MYRIP: variants seen among roughly 807,000 people sequenced by gnomAD.
MYRIP encodes the protein myosin VIIA and Rab interacting protein.
In MYRIP, 49 loss-of-function variants were observed where a neutral mutation model predicts 98.0. The observed-to-expected ratio is 0.50, with a 90% CI of 0.40 to 0.63. MYRIP has a LOEUF of 0.63. Ranked by LOEUF, MYRIP falls within the 30% of genes least tolerant of loss-of-function variation. The pLI, the probability that MYRIP is intolerant of heterozygous loss-of-function variation, is 0.00. For synonymous variants in MYRIP, 404 were observed against 409.5 expected, an observed-to-expected ratio of 0.99 and a Z score of 0.16; for missense variants, 1,004 against 1,058.2, an observed-to-expected ratio of 0.95 and a Z score of 0.71.
intron 8 of MYRIP, among the ~76,000 whole-genome samples, chr3:40,175,202 G>A (rs755058782): frequency 1.8e-4 from 28 of 152,186 alleles, no homozygotes; most frequent in East Asian, 1.9e-4. Context: ...CAAATGTGGT[G>A]ATAAGAATGC....
At chr3:40,062,574 T>G (rs1948040542) in intron 3 of MYRIP, among the ~76,000 whole-genome samples, 1 of 152,232 alleles carries the variant, frequency 6.6e-6, no homozygotes, top group South Asian at 2.1e-4. Context: ...ACAAAATCCA[T>G]GGGCACCCAA....
chr3:39,976,816 T>A (rs1422904232), intron 2 of MYRIP, among the ~76,000 whole-genome samples: 1 of 152,158 alleles, frequency 6.6e-6, no homozygotes, highest in Non-Finnish European at 1.5e-5. Context: ...AAACACCGCA[T>A]GTTCTCACTC....
intron 2 of MYRIP, among the ~76,000 whole-genome samples, chr3:39,938,310 C>A (rs1215063407): frequency 6.6e-6 from 1 of 152,100 alleles, no homozygotes; most frequent in Non-Finnish European, 1.5e-5. Flanking sequence ...AAAGAGTCAC[C>A]TGCATGTTGC....
At chr3:40,098,740 T>TTTTG (rs1553613659) in intron 3 of MYRIP, among the ~76,000 whole-genome samples, 4 of 135,188 alleles carry the variant, frequency 3.0e-5, no homozygotes, top group Non-Finnish European at 6.2e-5. Context: ...GTCTCTCTCA[T>TTTTG]TGTGTGTGTG....
At chr3:39,946,534 C>T (rs1944907042) in intron 2 of MYRIP, among the ~76,000 whole-genome samples, 1 of 152,138 alleles carries the variant, frequency 6.6e-6, no homozygotes, top group Non-Finnish European at 1.5e-5. Flanking sequence ...AGGTTATTAA[C>T]TGGGGGTTCT....
chr3:40,136,688 C>A (rs959280890), intron 3 of MYRIP, among the ~76,000 whole-genome samples: 1 of 151,870 alleles, frequency 6.6e-6, no homozygotes, highest in South Asian at 2.1e-4. Flanking sequence ...AACTGTCTCT[C>A]AGACCACAGT....
chr3:40,024,637 T>C (rs148197816), intron 2 of MYRIP, among the ~76,000 whole-genome samples: 2 of 152,080 alleles, frequency 1.3e-5, no homozygotes, highest in Non-Finnish European at 2.9e-5. Context: ...TATGCTGTGG[T>C]ATAATACGAG....
intron 2 of MYRIP, among the ~76,000 whole-genome samples, chr3:39,942,597 A>C (rs1328398144): frequency 1.3e-5 from 2 of 152,140 alleles, no homozygotes; most frequent in Non-Finnish European, 2.9e-5. Context: ...ATGTGTAATG[A>C]TCAAATCAGG....
At chr3:39,892,283 G>A (rs1401062254) in intron 1 of MYRIP, among the ~76,000 whole-genome samples, 1 of 152,034 alleles carries the variant, frequency 6.6e-6, no homozygotes, top group African/African-American at 2.4e-5. Flanking sequence ...GAGATGAGTA[G>A]GGATGGCATA....
chr3:40,254,479 TG>T (rs369352734), intron 16 of MYRIP, among the ~76,000 whole-genome samples: 75 of 5,772 alleles, frequency 0.013, no homozygotes, highest in East Asian at 0.12. Context: ...CATTTGTGTC[TG>T]GGGGGGGTGG....
rs777112818 is a variant in MYRIP at position 40,080,019 on chromosome 3, G to C, written c.332+35748G>C. ...CTGGCTAAAATCTCCAGTGAAAGCT[G>C]AATAACATGTTAGTCATCACTAACA... On this transcript the variant is annotated intron_variant, in intron 3 of 16. Transcript: ENST00000302541. 3.7e-4 allele frequency among the ~76,000 whole-genome samples: 56 copies of C among 152,238 alleles called. 1 individual carries two copies. The highest frequency in any genetic ancestry group is 1.6e-4 in the Non-Finnish European group (11 of 68,008).
intron 11 of MYRIP, among the ~76,000 whole-genome samples, chr3:40,231,769 T>A (rs961951410): frequency 2.0e-5 from 3 of 151,824 alleles, no homozygotes; most frequent in Non-Finnish European, 4.4e-5. Context: ...ATGGTCTAAC[T>A]TTTTTTTCTG....
intron 3 of MYRIP, among the ~76,000 whole-genome samples, chr3:40,053,915 G>T (rs1268579800): frequency 6.6e-6 from 1 of 152,196 alleles, no homozygotes; most frequent in South Asian, 2.1e-4. Context: ...CTGTAGTAGT[G>T]AGAACAGACC....
At chr3:39,823,136 C>CG (rs1257979427) in intron 1 of MYRIP, among the ~76,000 whole-genome samples, 4 of 151,124 alleles carry the variant, frequency 2.6e-5, no homozygotes, top group Admixed American at 2.6e-4. Flanking sequence ...TCTCCTGCCT[C>CG]AGCCTCCCCA....
At chr3:39,878,585 T>C (rs569604458) in intron 1 of MYRIP, among the ~76,000 whole-genome samples, 73 of 152,286 alleles carry the variant, frequency 4.8e-4, no homozygotes, top group Admixed American at 4.6e-3. Flanking sequence ...GAGGTGTATA[T>C]ATATATACAT....
intron 11 of MYRIP, among the ~76,000 whole-genome samples, chr3:40,231,587 C>A (rs561825846): frequency 1.3e-5 from 2 of 152,178 alleles, no homozygotes; most frequent in Non-Finnish European, 2.9e-5. Flanking sequence ...GATGGTCAAA[C>A]AGTATTGATG....
intron 3 of MYRIP, among the ~76,000 whole-genome samples, chr3:40,118,175 T>C (rs555302509): frequency 1.3e-5 from 2 of 152,356 alleles, no homozygotes; most frequent in African/African-American, 4.8e-5. Flanking sequence ...GGCATACCAG[T>C]GTTCACCAAT....
At chr3:39,903,490 A>G (rs938844973) in intron 2 of MYRIP, among the ~76,000 whole-genome samples, 1 of 152,156 alleles carries the variant, frequency 6.6e-6, no homozygotes, top group African/African-American at 2.4e-5. Flanking sequence ...AGTGTTTATA[A>G]TGATCTGTTC....
chr3:39,977,253 T>C (rs1945780731), intron 2 of MYRIP, among the ~76,000 whole-genome samples: 1 of 152,040 alleles, frequency 6.6e-6, no homozygotes, highest in African/African-American at 2.4e-5. Flanking sequence ...GAGTCCATGC[T>C]GAGGACTAGA....
Sources: allele counts gnomAD v4.1 joint callset (sites outside exome capture counted in the v4.1 genomes callset), GRCh38; gene constraint gnomAD v4.1.1; transcripts MANE v1.5; gene names NCBI Gene and HGNC (gene_info 2026-07-23, HGNC 2026-07-21).